The following ATP8A2 variants were observed in gnomAD, a reference collection of about 807,000 sequenced individuals.
ATP8A2 encodes ATPase phospholipid transporting 8A2, also known as phospholipid-transporting ATPase IB.
ATP8A2 carries 100 observed loss-of-function variants against 165.6 expected under a neutral mutation model. The observed-to-expected ratio is 0.60, with a 90% CI of 0.51 to 0.71. The LOEUF (loss-of-function observed/expected upper bound fraction) is 0.71, where lower values mean the gene tolerates loss of function less well. Ranked by LOEUF, ATP8A2 falls within the 30% of genes least tolerant of loss-of-function variation. The pLI is 0.00. For missense variants in ATP8A2, 1,227 were observed against 1,479.5 expected (o/e 0.83, Z 2.80); for synonymous variants, 543 against 548.8 (o/e 0.99, Z 0.15).
At chr13:25,485,285 C>T (rs559186137) in intron 2 of ATP8A2, among the ~76,000 whole-genome samples, 26 of 152,064 alleles carry the variant, frequency 1.7e-4, no homozygotes, top group East Asian at 7.7e-4. Flanking sequence ...CAGGATAGTG[C>T]GTGTGTGTGT....
rs879639815 is a variant in ATP8A2, at chr13:25,992,470, C to T, written c.3378-20061C>T. Among the ~76,000 whole-genome samples the T allele has an allele frequency of 5.3e-5, 8 of 152,052 alleles. 1 individual carries two copies. The highest frequency in any genetic ancestry group is 8.8e-5 in the Non-Finnish European group (6 of 68,006). Reference sequence around the variant, plus strand: ...TTCTAGATGTTAGTTCTTTGTGAGACATGTGGCTTACAAATATTTTCTCCC... The same window carrying T: ...TTCTAGATGTTAGTTCTTTGTGAGATATGTGGCTTACAAATATTTTCTCCC... On this transcript the variant is annotated intron_variant, in intron 35 of 36. Coordinates refer to ENST00000381655, the MANE Select transcript of ATP8A2 (RefSeq NM_016529.6).
chr13:25,603,221 C>T lies in ATP8A2; in HGVS notation c.2211+13522C>T, dbSNP rs550005865. ...AAGGAGTCTTGGCTAGGCACGGTGGCTCACGCCTGTAATCCCAGCAGTTTG... is the reference window on the plus strand; with the variant it reads ...AAGGAGTCTTGGCTAGGCACGGTGGTTCACGCCTGTAATCCCAGCAGTTTG... On this transcript the variant is annotated intron_variant, in intron 24 of 36. Coordinates refer to ENST00000381655, the MANE Select transcript of ATP8A2 (RefSeq NM_016529.6). Among the ~76,000 whole-genome samples the T allele has an allele frequency of 2.0e-5, 3 of 152,250 alleles. 1 individual carries two copies. In the South Asian group the frequency reaches 6.2e-4, roughly 32 times the overall value.
At chr13:25,961,809 AT>A in intron 34 of ATP8A2, 146 bp downstream of exon 34, 4 of 626,532 alleles carry the variant, frequency 6.4e-6, no homozygotes, top group Non-Finnish European at 1.1e-5. Context: ...TGAAAAAAAA[AT>A]TTTTTTAGTT....
chr13:25,406,391 C>T (rs564671603), intron 1 of ATP8A2, among the ~76,000 whole-genome samples: 34 of 152,342 alleles, frequency 2.2e-4, no homozygotes, highest in African/African-American at 7.0e-4. Context: ...CCTGCTCTTA[C>T]AGCAGAAACA....
intron 25 of ATP8A2, among the ~76,000 whole-genome samples, chr13:25,759,716 T>A (rs2044341495): frequency 6.6e-6 from 1 of 152,188 alleles, no homozygotes; most frequent in African/African-American, 2.4e-5. Flanking sequence ...ATCCCAGCCT[T>A]CCTAGACTGC....
At chr13:25,974,941 C>T (rs1052877549) in intron 35 of ATP8A2, among the ~76,000 whole-genome samples, 4 of 152,168 alleles carry the variant, frequency 2.6e-5, no homozygotes, top group African/African-American at 4.8e-5. Context: ...TGCCCTCAGC[C>T]CACCACCTGC....
rs571322209 is a variant in ATP8A2, at chr13:25,608,384, C to A, written c.2211+18685C>A. On this transcript the variant is annotated intron_variant, in intron 24 of 36. Transcript: ENST00000381655. The stretch of plus-strand genomic sequence containing the variant: ...CTTTTAATAGGTCTGGCAGTTTGCC[C>A]AGGTTGTAGACATAGGATTACATGA... Among the ~76,000 whole-genome samples, 22 of 152,238 alleles carry A rather than the reference C, an allele frequency of 1.4e-4. No individual in the cohort carries two copies. In the South Asian group the frequency reaches 4.4e-3, roughly 30 times the overall value.
At chr13:25,553,955 C>T in intron 12 of ATP8A2, 35 bp downstream of exon 12, 1 of 1,591,602 alleles carries the variant, frequency 6.3e-7, no homozygotes, top group Non-Finnish European at 8.6e-7. Flanking sequence ...CACTATTTTC[C>T]AATGCTATTT....
chr13:25,530,805 T>A lies in ATP8A2; in HGVS notation c.420+145T>A, dbSNP rs9581377. On this transcript the variant is annotated intron_variant, in intron 4 of 36. Coordinates refer to ENST00000381655, the MANE Select transcript of ATP8A2 (RefSeq NM_016529.6). ...CACCTGATGGTATTTTTAGGGGGAGTTAATGTATACTCAGAGTGTCCTAAA... is the reference window on the plus strand; with the variant it reads ...CACCTGATGGTATTTTTAGGGGGAGATAATGTATACTCAGAGTGTCCTAAA... 284 of 609,372 alleles carry A rather than the reference T, an allele frequency of 4.7e-4. 2 individuals are homozygous for A. Among genetic ancestry groups the A allele is most frequent in the Admixed American group, 7.4e-4 (26 of 35,330 alleles). The allele number at this position is 609,372 out of a possible 1,614,324, so 37.7% of individuals were successfully genotyped here.
At chr13:25,665,083 A>G (rs146145643) in intron 24 of ATP8A2, among the ~76,000 whole-genome samples, 10 of 152,166 alleles carry the variant, frequency 6.6e-5, no homozygotes, top group African/African-American at 1.9e-4. Context: ...AGAAGCAACA[A>G]AGGCTGTGGC....
At chr13:25,758,103 G>A (rs1023344543) in intron 25 of ATP8A2, among the ~76,000 whole-genome samples, 2 of 152,178 alleles carry the variant, frequency 1.3e-5, no homozygotes, top group African/African-American at 4.8e-5. Context: ...ATAGCTACCA[G>A]GTGGAGTCAA....
intron 33 of ATP8A2, among the ~76,000 whole-genome samples, chr13:25,884,054 G>A (rs142089937): frequency 3.3e-5 from 5 of 152,260 alleles, no homozygotes; most frequent in African/African-American, 1.2e-4. Flanking sequence ...GATGAGAAAT[G>A]GGGTTCTTCA....
At chr13:25,446,960 A>G (rs1379219460) in intron 1 of ATP8A2, among the ~76,000 whole-genome samples, 1 of 152,124 alleles carries the variant, frequency 6.6e-6, no homozygotes, top group Non-Finnish European at 1.5e-5. Flanking sequence ...TGCTTAAGCA[A>G]TCCTCCCACC....
At chr13:25,968,939 GT>G (rs1566312887) in intron 35 of ATP8A2, among the ~76,000 whole-genome samples, 1 of 152,162 alleles carries the variant, frequency 6.6e-6, no homozygotes, top group Non-Finnish European at 1.5e-5. Context: ...GAAAATCGAT[GT>G]TGTGGCAGTA....
At chr13:25,809,679 C>T (rs1950818807) in intron 27 of ATP8A2, among the ~76,000 whole-genome samples, 1 of 151,910 alleles carries the variant, frequency 6.6e-6, no homozygotes, top group African/African-American at 2.4e-5. Flanking sequence ...GCTCACAACA[C>T]CCTGTGTTCT....
chr13:25,551,587 C>T, intron 11 of ATP8A2, 84 bp downstream of exon 11: 1 of 1,354,916 alleles, frequency 7.4e-7, no homozygotes. Context: ...AGTGTGGTGT[C>T]CCTGCTGTCC....
chr13:26,019,888 A>G lies in ATP8A2; in HGVS notation c.3470A>G (p.His1157Arg), dbSNP rs775032197. 4 of 1,611,336 alleles carry G rather than the reference A, an allele frequency of 2.5e-6. No homozygotes were observed. The South Asian group carries it at 3.3e-5, about 13-fold the overall frequency. The change falls in exon 37 of 37, where the codon CAT becomes CGT. Residue 1157 changes from histidine (H) to arginine (R), a missense_variant and splice_region_variant. By Grantham distance (29) the His-to-Arg change is conservative. Around this residue, in one of 5 missense-constraint regions of ATP8A2, gnomAD observed 260 missense variants for 245.1 expected, o/e 1.06. Coordinates refer to ENST00000381655, the MANE Select transcript of ATP8A2 (RefSeq NM_016529.6). ...RGSSLQQGVP[H>R]GYAFSQEEHG... ...TTTCTCCTGTGTGCTTCACTTTCAG[A>G]TGGGTATGCTTTTTCTCAAGAAGAA...
Position 26,021,215 on chromosome 13 carries a change from C to T in ATP8A2, c.*1230C>T, listed in dbSNP as rs1004984185. 3.9e-5 allele frequency: 6 copies of T among 152,264 alleles called. No homozygotes were observed. Among genetic ancestry groups the T allele is most frequent in the African/African-American group, 1.4e-4 (6 of 41,402 alleles). 9.4% of individuals were successfully genotyped at this position (152,264 alleles called of 1,614,324 possible). ...AAGTCCTCAGAAGGAGAAGGAAGGA[C>T]ACGGAGACACTGAGAGGAGGACACA... is the stretch of plus-strand genomic sequence containing the variant. On this transcript the variant is annotated 3_prime_UTR_variant, in exon 37 of 37. Coordinates refer to ENST00000381655, the MANE Select transcript of ATP8A2 (RefSeq NM_016529.6).
Position 25,737,830 on chromosome 13 carries a change from CT to C in ATP8A2, c.2385-31215del, listed in dbSNP as rs529329043. 2.6e-3 allele frequency among the ~76,000 whole-genome samples: 401 copies of C among 152,286 alleles called. 2 individuals carry two copies. The highest frequency in any genetic ancestry group is 0.01 in the Middle Eastern group (3 of 294). The stretch of plus-strand genomic sequence containing the variant: ...CCCGAGTAGCTGGGACTTCAGGCGC[CT>C]GGCCACCATGCCTGACTAATTTTTT... On this transcript the variant is annotated intron_variant, in intron 25 of 36. Coordinates refer to ENST00000381655, the MANE Select transcript of ATP8A2 (RefSeq NM_016529.6).
Sources: allele counts gnomAD v4.1 joint callset (sites outside exome capture counted in the v4.1 genomes callset), GRCh38; gene constraint gnomAD v4.1.1; regional missense constraint gnomAD v4.1.1; transcripts MANE v1.5; gene names NCBI Gene and HGNC (gene_info 2026-07-23, HGNC 2026-07-21).